Variants in SLC8A1 observed in about 807,000 individuals in gnomAD.
SLC8A1 encodes the protein sodium/calcium exchanger 1.
In SLC8A1, 18 loss-of-function variants were observed where a neutral mutation model predicts 68.3. The observed-to-expected ratio is 0.26, with a 90% CI of 0.18 to 0.39. SLC8A1 has a LOEUF of 0.39. SLC8A1 is among the 10% of genes least tolerant of loss of function. SLC8A1 has a pLI of 1.00. For synonymous variants in SLC8A1, 475 were observed against 415.5 expected, an observed-to-expected ratio of 1.14 and a Z score of -1.74; for missense variants, 985 against 1,156.7, an observed-to-expected ratio of 0.85 and a Z score of 2.15.
intron 2 of SLC8A1, among the ~76,000 whole-genome samples, chr2:40,320,296 A>G (rs984751369): frequency 5.9e-5 from 9 of 152,034 alleles, no homozygotes; most frequent in African/African-American, 1.7e-4. Flanking sequence ...TCATTAAAAT[A>G]TAGATTAAAT....
chr2:40,225,111 G>T (rs758769058), intron 2 of SLC8A1, among the ~76,000 whole-genome samples: 5 of 152,092 alleles, frequency 3.3e-5, no homozygotes, highest in Non-Finnish European at 5.9e-5. Flanking sequence ...ACTTCCAACT[G>T]TATCCCACTT....
chr2:40,417,148 T>C (rs1559595803), intron 2 of SLC8A1, among the ~76,000 whole-genome samples: 2 of 152,242 alleles, frequency 1.3e-5, no homozygotes, highest in South Asian at 2.1e-4. Context: ...TGACCAATTG[T>C]TATTTTTACT....
chr2:40,271,406 C>T (rs947309819), intron 2 of SLC8A1, among the ~76,000 whole-genome samples: 1 of 152,122 alleles, frequency 6.6e-6, no homozygotes, highest in South Asian at 2.1e-4. Flanking sequence ...AATTTCTTCC[C>T]TTCTTTTCAG....
intron 2 of SLC8A1, among the ~76,000 whole-genome samples, chr2:40,417,380 C>G (rs1694193587): frequency 6.6e-6 from 1 of 151,980 alleles, no homozygotes; most frequent in South Asian, 2.1e-4. Flanking sequence ...GAATTGTAAA[C>G]CAAACAAGAA....
intron 2 of SLC8A1, among the ~76,000 whole-genome samples, chr2:40,228,706 G>A (rs1322395960): frequency 6.6e-6 from 1 of 152,130 alleles, no homozygotes; most frequent in Non-Finnish European, 1.5e-5. Context: ...TGCCATCTAT[G>A]TTGAACGCAG....
intron 2 of SLC8A1, among the ~76,000 whole-genome samples, chr2:40,256,959 C>T (rs2064023391): frequency 6.6e-6 from 1 of 151,984 alleles, no homozygotes; most frequent in Non-Finnish European, 1.5e-5. Context: ...AGCAACTCAG[C>T]CCCAAAAGTC....
intron 2 of SLC8A1, among the ~76,000 whole-genome samples, chr2:40,422,440 A>G (rs1695779199): frequency 1.3e-5 from 2 of 152,152 alleles, no homozygotes; most frequent in South Asian, 4.1e-4. Flanking sequence ...AACCCCTTGT[A>G]TGTCTTAGAC....
At chr2:40,503,071 C>A (rs1706145444) in intron 1 of SLC8A1, among the ~76,000 whole-genome samples, 1 of 151,936 alleles carries the variant, frequency 6.6e-6, no homozygotes, top group African/African-American at 2.4e-5. Context: ...GTATATGGGT[C>A]AATTCCATTT....
intron 2 of SLC8A1, among the ~76,000 whole-genome samples, chr2:40,205,374 A>C (rs890392701): frequency 1.3e-4 from 20 of 152,050 alleles, no homozygotes; most frequent in African/African-American, 4.8e-4. Flanking sequence ...GCTTCAAGGA[A>C]CTTAAGGTAT....
intron 1 of SLC8A1, among the ~76,000 whole-genome samples, chr2:40,459,900 C>T (rs1049455641): frequency 3.9e-5 from 6 of 152,140 alleles, no homozygotes; most frequent in African/African-American, 1.4e-4. Flanking sequence ...CATACTCATT[C>T]GCATACATGG....
At chr2:40,407,855 T>G (rs1266753394) in intron 2 of SLC8A1, among the ~76,000 whole-genome samples, 1 of 152,244 alleles carries the variant, frequency 6.6e-6, no homozygotes, top group Non-Finnish European at 1.5e-5. Flanking sequence ...TGGCCAACTC[T>G]CTTTACAAGG....
At chr2:40,438,788 G>T (rs1162589343) in intron 1 of SLC8A1, among the ~76,000 whole-genome samples, 1 of 152,092 alleles carries the variant, frequency 6.6e-6, no homozygotes, top group Admixed American at 6.6e-5. Context: ...TACAGTTGAG[G>T]AATCTCCAAA....
intron 2 of SLC8A1, among the ~76,000 whole-genome samples, chr2:40,266,930 C>T (rs1049692752): frequency 1.3e-5 from 2 of 152,082 alleles, no homozygotes; most frequent in African/African-American, 2.4e-5. Context: ...AACATCTTGT[C>T]AATACAGGTT....
intron 2 of SLC8A1, among the ~76,000 whole-genome samples, chr2:40,421,641 G>A (rs185795807): frequency 1.3e-4 from 20 of 152,202 alleles, no homozygotes; most frequent in East Asian, 1.9e-4. Context: ...TCTGCTTTTC[G>A]TTCTTACCTT....
At chr2:40,135,276 C>T (rs1011626565) in intron 7 of SLC8A1, among the ~76,000 whole-genome samples, 7 of 152,092 alleles carry the variant, frequency 4.6e-5, no homozygotes, top group Non-Finnish European at 7.4e-5. Context: ...CCTGATTTAC[C>T]GCTTAAGATG....
chr2:40,242,526 G>C (rs2148971744), intron 2 of SLC8A1, among the ~76,000 whole-genome samples: 1 of 152,300 alleles, frequency 6.6e-6, no homozygotes, highest in Non-Finnish European at 1.5e-5. Flanking sequence ...AACAATGGTT[G>C]CATCCAGCAA....
intron 6 of SLC8A1, among the ~76,000 whole-genome samples, chr2:40,157,791 C>T (rs1302539572): frequency 6.6e-6 from 1 of 152,178 alleles, no homozygotes; most frequent in East Asian, 1.9e-4. Flanking sequence ...TAGTGTTCAA[C>T]CCAGGAAGAA....
chr2:40,226,390 C>T (rs923008989), intron 2 of SLC8A1, among the ~76,000 whole-genome samples: 23 of 151,876 alleles, frequency 1.5e-4, no homozygotes, highest in African/African-American at 3.6e-4. Context: ...CATTGTGGTC[C>T]GTAAGAAATT....
At chr2:40,370,875 G>A (rs961074410) in intron 2 of SLC8A1, among the ~76,000 whole-genome samples, 1 of 152,078 alleles carries the variant, frequency 6.6e-6, no homozygotes, top group African/African-American at 2.4e-5. Context: ...TGGAGACACT[G>A]AGAAAGTAAA....
Sources: allele counts gnomAD v4.1 joint callset (sites outside exome capture counted in the v4.1 genomes callset), GRCh38; gene constraint gnomAD v4.1.1; transcripts MANE v1.5; gene names NCBI Gene and HGNC (gene_info 2026-07-23, HGNC 2026-07-21).